Variants in RAD51B observed in about 807,000 individuals in gnomAD.
RAD51B encodes the protein DNA repair protein RAD51 homolog 2.
Under a neutral mutation model 42.2 loss-of-function variants are expected in RAD51B, and 38 were observed. The ratio of observed to expected loss-of-function variants is 0.90; its 90% CI spans 0.70 to 1.18. RAD51B has a LOEUF of 1.18. Ranked by LOEUF, RAD51B falls within the 50% of genes most tolerant of loss-of-function variation. The probability of loss-of-function intolerance (pLI) is 0.00; values close to 1 mark genes in which losing one functional copy is unlikely to be tolerated. For missense variants in RAD51B, 373 were observed against 400.7 expected, an observed-to-expected ratio of 0.93 and a Z score of 0.59; for synonymous variants, 154 against 145.2, an observed-to-expected ratio of 1.06 and a Z score of -0.43.
Position 68,670,124 on chromosome 14 carries a change from A to G in RAD51B, c.*11+19268A>G, listed in dbSNP as rs183505940. Among the ~76,000 whole-genome samples, 884 of 152,340 alleles carry G rather than the reference A, an allele frequency of 5.8e-3. 4 individuals are homozygous for G. Among genetic ancestry groups the G allele is most frequent in the African/African-American group, 0.02 (840 of 41,568 alleles). On this transcript the variant is annotated intron_variant, in intron 11 of 11. Coordinates refer to the RAD51B transcript ENST00000488612. Reference sequence around the variant, plus strand: ...ATGACTTTATTGAGGGCTCTTGCTCATAAACAGCCACTATGTTATTGTAAC... The same window carrying G: ...ATGACTTTATTGAGGGCTCTTGCTCGTAAACAGCCACTATGTTATTGTAAC...
chr14:68,464,990 A>G (rs936318054), intron 9 of RAD51B, among the ~76,000 whole-genome samples: 1 of 152,174 alleles, frequency 6.6e-6, no homozygotes. Flanking sequence ...TAGACTGGCT[A>G]TTAGAAGGTG....
At chr14:67,847,888 C>T (rs1056595605) in intron 4 of RAD51B, among the ~76,000 whole-genome samples, 30 of 58,178 alleles carry the variant, frequency 5.2e-4, no homozygotes, top group African/African-American at 3.6e-3. Context: ...GTGTTGAAGC[C>T]CCCCCCCATT....
intron 10 of RAD51B, chr14:68,563,912 T>G (rs1889286987): frequency 2.0e-6 from 2 of 985,384 alleles, no homozygotes; most frequent in Non-Finnish European, 2.4e-6. Context: ...AGGCCGATTC[T>G]CGGCAATTAA....
At chr14:68,606,349 G>A (rs537007295) in intron 10 of RAD51B, among the ~76,000 whole-genome samples, 16 of 152,296 alleles carry the variant, frequency 1.1e-4, no homozygotes, top group African/African-American at 3.4e-4. Context: ...CCAGGAGGCA[G>A]GAGGGAGCAA....
At chr14:67,832,923 T>G (rs921753499) in intron 3 of RAD51B, among the ~76,000 whole-genome samples, 1 of 152,190 alleles carries the variant, frequency 6.6e-6, no homozygotes, top group Non-Finnish European at 1.5e-5. Context: ...AATTTTAATA[T>G]CCCAGAAGAT....
intron 7 of RAD51B, among the ~76,000 whole-genome samples, chr14:68,197,686 GCTTGAAACAGT>G: frequency 6.6e-6 from 1 of 152,076 alleles, no homozygotes; most frequent in East Asian, 1.9e-4. Flanking sequence ...ATTCCAGTAA[GCTTGAAACAGT>G]CTTGCACTGT....
chr14:68,505,606 A>G (rs1003710895), intron 10 of RAD51B, among the ~76,000 whole-genome samples: 4 of 139,204 alleles, frequency 2.9e-5, no homozygotes, highest in Non-Finnish European at 4.5e-5. Context: ...GCTGGAGGGC[A>G]GTGGCATGAT....
At position 68,067,438 on chromosome 14, in the gene RAD51B, T is replaced by G. The variant is rs550025146; in HGVS notation, c.756+180234T>G. Among the ~76,000 whole-genome samples, 333 of 134,724 alleles carry G rather than the reference T, an allele frequency of 2.5e-3. 2 individuals are homozygous for G. Among genetic ancestry groups the G allele is most frequent in the Non-Finnish European group, 2.6e-3 (169 of 65,448 alleles). The allele number at this position is 134,724 out of a possible 152,430, so 88.4% of individuals were successfully genotyped here. ...GAGATTGTGCCACTGCACTCCAACC[T>G]GGGCAACAGAGCAAGACTCCATCTC... On this transcript the variant is annotated intron_variant, in intron 7 of 10. Transcript: ENST00000471583.
At chr14:67,870,082 A>G (rs900397309) in intron 5 of RAD51B, among the ~76,000 whole-genome samples, 2 of 150,954 alleles carry the variant, frequency 1.3e-5, no homozygotes, top group African/African-American at 4.9e-5. Flanking sequence ...TTCACACATA[A>G]CAATATTAAC....
Position 68,650,224 on chromosome 14 carries a change from A to G in RAD51B, c.1037-557A>G, listed in dbSNP as rs1298801561. ...GGACTGGCTTGACCAATTTTCATCCATTTTGAATATTCAATTTCTAGCTAC... is the reference window on the plus strand; with the variant it reads ...GGACTGGCTTGACCAATTTTCATCCGTTTTGAATATTCAATTTCTAGCTAC... On this transcript the variant is annotated intron_variant, in intron 10 of 11. Transcript: ENST00000488612. Among the ~76,000 whole-genome samples the G allele has an allele frequency of 3.3e-5, 5 of 152,196 alleles. No individual in the cohort carries two copies. The East Asian group carries it at 9.6e-4, about 29-fold the overall frequency.
At chr14:67,932,434 A>G (rs563013672) in intron 7 of RAD51B, among the ~76,000 whole-genome samples, 1 of 152,092 alleles carries the variant, frequency 6.6e-6, no homozygotes, top group Non-Finnish European at 1.5e-5. Context: ...TTTGGGCCCT[A>G]TTGGTGGTAG....
chr14:68,068,074 G>A (rs1214912567), intron 7 of RAD51B, among the ~76,000 whole-genome samples: 1 of 151,746 alleles, frequency 6.6e-6, no homozygotes, highest in African/African-American at 2.4e-5. Flanking sequence ...TATGAGCAGA[G>A]AAACAAAGGT....
intron 9 of RAD51B, among the ~76,000 whole-genome samples, chr14:68,433,556 GCATT>G (rs1298329953): frequency 6.6e-6 from 1 of 152,146 alleles, no homozygotes; most frequent in Non-Finnish European, 1.5e-5. Flanking sequence ...TGAAGCTTAT[GCATT>G]CATCACGTAG....
chr14:68,554,670 T>C (rs1888740326), intron 10 of RAD51B, among the ~76,000 whole-genome samples: 1 of 152,202 alleles, frequency 6.6e-6, no homozygotes, highest in African/African-American at 2.4e-5. Context: ...AATATACTAG[T>C]ATTTCATTCA....
At chr14:68,031,505 A>G (rs937484963) in intron 7 of RAD51B, among the ~76,000 whole-genome samples, 1 of 152,198 alleles carries the variant, frequency 6.6e-6, no homozygotes, top group Non-Finnish European at 1.5e-5. Context: ...AATGTAACAA[A>G]AACACATGAA....
At chr14:68,015,381 C>T (rs1006439533) in intron 7 of RAD51B, among the ~76,000 whole-genome samples, 83 of 152,192 alleles carry the variant, frequency 5.5e-4, no homozygotes, top group Admixed American at 8.5e-4. Flanking sequence ...TTACAACATA[C>T]GATGGTGTAT....
chr14:68,516,847 C>G (rs1403081274), intron 10 of RAD51B, among the ~76,000 whole-genome samples: 1 of 152,192 alleles, frequency 6.6e-6, no homozygotes, highest in Non-Finnish European at 1.5e-5. Flanking sequence ...GTTAATATCA[C>G]TGATCTCATC....
intron 4 of RAD51B, among the ~76,000 whole-genome samples, chr14:67,862,006 A>G (rs2042179668): frequency 6.6e-6 from 1 of 152,014 alleles, no homozygotes; most frequent in African/African-American, 2.4e-5. Context: ...GGAAGGAGAG[A>G]TGTTGGTAAA....
intron 10 of RAD51B, among the ~76,000 whole-genome samples, chr14:68,508,029 A>G (rs1163221267): frequency 6.6e-6 from 1 of 152,238 alleles, no homozygotes; most frequent in East Asian, 1.9e-4. Flanking sequence ...AGCAGAAGCC[A>G]GAGGTGTCGT....
Sources: allele counts gnomAD v4.1 joint callset (sites outside exome capture counted in the v4.1 genomes callset), GRCh38; gene constraint gnomAD v4.1.1; transcripts MANE v1.5; gene names NCBI Gene and HGNC (gene_info 2026-07-23, HGNC 2026-07-21).